Variants in SLCO1B1 observed in about 807,000 individuals in gnomAD.
The protein encoded by SLCO1B1 is OATP-2.
A neutral mutation model predicts 70.1 loss-of-function variants in SLCO1B1; 81 were observed. The ratio of observed to expected loss-of-function variants is 1.16; its 90% CI spans 0.97 to 1.39. The LOEUF (loss-of-function observed/expected upper bound fraction) is 1.39. Among genes scored for constraint, SLCO1B1 ranks in the 40% most tolerant of loss-of-function variants. SLCO1B1 has a pLI of 0.00. For synonymous variants in SLCO1B1, 283 were observed against 271.5 expected, an observed-to-expected ratio of 1.04 and a Z score of -0.42; for missense variants, 895 against 799.6, an observed-to-expected ratio of 1.12 and a Z score of -1.44.
intron 10 of SLCO1B1, among the ~76,000 whole-genome samples, chr12:21,204,798 G>A (rs1029187741): frequency 2.0e-5 from 3 of 151,692 alleles, no homozygotes; most frequent in Non-Finnish European, 4.4e-5. Flanking sequence ...ATTTATAGAC[G>A]GTACCTTCTC....
chr12:21,237,894 T>G (rs914459463), intron 14 of SLCO1B1, among the ~76,000 whole-genome samples: 1 of 152,100 alleles, frequency 6.6e-6, no homozygotes, highest in Non-Finnish European at 1.5e-5. Flanking sequence ...TTTGTATTTT[T>G]GGTATAGACG....
chr12:21,190,334 C>T (rs2900477), intron 7 of SLCO1B1, among the ~76,000 whole-genome samples: 1,627 of 152,266 alleles, frequency 0.011, 27 homozygotes, highest in African/African-American at 0.036. Context: ...AAGTGAGCAG[C>T]TCCAGCTTGT....
intron 2 of SLCO1B1, among the ~76,000 whole-genome samples, chr12:21,161,614 C>G (rs551213671): frequency 6.6e-6 from 1 of 152,160 alleles, no homozygotes; most frequent in Admixed American, 6.5e-5. Flanking sequence ...CACAAACCCC[C>G]GTGACACGTG....
chr12:21,211,611 G>C (rs1027964879), intron 11 of SLCO1B1, among the ~76,000 whole-genome samples: 243 of 152,144 alleles, frequency 1.6e-3, no homozygotes, highest in African/African-American at 5.6e-3. Context: ...TTTTTCTATT[G>C]ACTGGAATAG....
chr12:21,204,226 C>A (rs944543946), intron 10 of SLCO1B1, among the ~76,000 whole-genome samples: 111 of 151,756 alleles, frequency 7.3e-4, no homozygotes, highest in African/African-American at 2.4e-3. Flanking sequence ...AAGGGGTGCA[C>A]AACTTCAAAA....
At chr12:21,202,151 T>C (rs7955751) in intron 9 of SLCO1B1, among the ~76,000 whole-genome samples, 16,909 of 151,650 alleles carry the variant, frequency 0.11, 1,669 homozygotes, top group South Asian at 0.31. Context: ...TAAGTGGGAG[T>C]TGAACAATGA....
chr12:21,177,769 A>G (rs1940840113), intron 5 of SLCO1B1, among the ~76,000 whole-genome samples: 1 of 152,268 alleles, frequency 6.6e-6, no homozygotes, highest in Middle Eastern at 3.4e-3. Context: ...ACAACAAAAA[A>G]GAAATTAAAA....
intron 3 of SLCO1B1, among the ~76,000 whole-genome samples, chr12:21,173,225 A>C (rs557515260): frequency 1.4e-4 from 21 of 152,342 alleles, no homozygotes; most frequent in African/African-American, 5.0e-4. Flanking sequence ...CACTGAGCAC[A>C]CAAAAATCTT....
intron 7 of SLCO1B1, among the ~76,000 whole-genome samples, chr12:21,194,013 G>C (rs113945383): frequency 0.018 from 2,712 of 152,164 alleles, 34 homozygotes; most frequent in Non-Finnish European, 0.03. Flanking sequence ...GGTTGGTCTC[G>C]ATCTCCTGAC....
chr12:21,222,208 A>T, intron 12 of SLCO1B1, 92 bp from the exon 13 acceptor site: 1 of 498,722 alleles, frequency 2.0e-6, no homozygotes, highest in Non-Finnish European at 3.6e-6. Flanking sequence ...TAATTCTATC[A>T]TGGAGAAAAA....
intron 2 of SLCO1B1, among the ~76,000 whole-genome samples, chr12:21,167,813 C>T (rs1591806367): frequency 1.4e-5 from 2 of 146,716 alleles, no homozygotes; most frequent in African/African-American, 2.5e-5. Flanking sequence ...TTTTTTCTTT[C>T]TTTTCTTTTT....
At chr12:21,221,300 A>T (rs10841762) in intron 12 of SLCO1B1, among the ~76,000 whole-genome samples, 48,544 of 151,978 alleles carry the variant, frequency 0.32, 8,295 homozygotes, top group East Asian at 0.45. Flanking sequence ...TAGTATGGGA[A>T]GTCCTAGCTA....
intron 14 of SLCO1B1, among the ~76,000 whole-genome samples, chr12:21,230,892 A>C (rs1335741964): frequency 7.2e-5 from 11 of 152,020 alleles, no homozygotes; most frequent in Non-Finnish European, 5.9e-5. Flanking sequence ...TTACATAGGT[A>C]TACATGTGCC....
chr12:21,163,378 T>C (rs1468709882), intron 2 of SLCO1B1, among the ~76,000 whole-genome samples: 2 of 152,136 alleles, frequency 1.3e-5, no homozygotes, highest in Non-Finnish European at 2.9e-5. Context: ...TATTGATTGA[T>C]TGTCATCTTT....
chr12:21,163,916 G>T (rs1437217530), intron 2 of SLCO1B1, among the ~76,000 whole-genome samples: 1 of 148,562 alleles, frequency 6.7e-6, no homozygotes, highest in African/African-American at 2.5e-5. Flanking sequence ...AGAGTAAAAA[G>T]AGAAGACGGT....
intron 2 of SLCO1B1, among the ~76,000 whole-genome samples, chr12:21,149,015 C>T (rs1202474599): frequency 6.6e-6 from 1 of 152,024 alleles, no homozygotes; most frequent in Non-Finnish European, 1.5e-5. Flanking sequence ...CATGATTTGG[C>T]TCTCTGTTTG....
At chr12:21,224,653 T>A in intron 13 of SLCO1B1, 69 bp from the exon 14 acceptor site, 1 of 930,762 alleles carries the variant, frequency 1.1e-6, no homozygotes, top group Non-Finnish European at 1.8e-6. Flanking sequence ...AATATATCAA[T>A]GTGGAATATC....
Position 21,177,712 on chromosome 12 carries a change from A to G in SLCO1B1, c.481+815A>G, listed in dbSNP as rs1396410033. ...TTAAGGAAATAACCAGGAAACTGCA[A>G]AAGGACTTATTTACAGTTATAGTCA... On this transcript the variant is annotated intron_variant, in intron 5 of 14. Coordinates refer to ENST00000256958, the MANE Select transcript of SLCO1B1 (RefSeq NM_006446.5). Among the ~76,000 whole-genome samples, 4 of 152,118 alleles carry G rather than the reference A, an allele frequency of 2.6e-5. No homozygotes were observed. The South Asian group carries it at 8.3e-4, about 31-fold the overall frequency.
intron 12 of SLCO1B1, among the ~76,000 whole-genome samples, chr12:21,217,712 T>C (rs903288020): frequency 1.1e-4 from 17 of 152,184 alleles, no homozygotes; most frequent in Non-Finnish European, 2.9e-5. Flanking sequence ...ATATAAAATA[T>C]GCTCCATTTG....
Sources: gnomAD v4.1 joint callset for allele counts (sites outside exome capture counted in the v4.1 genomes callset) on GRCh38, gnomAD v4.1.1 for gene constraint, MANE v1.5 for transcripts, NCBI Gene and HGNC (gene_info 2026-07-23, HGNC 2026-07-21) for gene names.